The following NSMCE2 variants were observed in gnomAD, a reference collection of about 807,000 sequenced individuals.
NSMCE2 encodes the protein E3 SUMO-protein ligase NSE2.
A neutral mutation model predicts 23.8 loss-of-function variants in NSMCE2; 24 were observed. The ratio of observed to expected loss-of-function variants is 1.01; its 90% CI spans 0.73 to 1.42. NSMCE2 has a LOEUF of 1.42. NSMCE2 is among the 40% of genes most tolerant of loss of function. The pLI is 0.00. For missense variants in NSMCE2, 284 were observed against 296.5 expected (o/e 0.96, Z 0.31); for synonymous variants, 92 against 94.1 (o/e 0.98, Z 0.13).
At chr8:125,167,378 A>G (rs984480176) in intron 4 of NSMCE2, among the ~76,000 whole-genome samples, 1 of 152,134 alleles carries the variant, frequency 6.6e-6, no homozygotes, top group African/African-American at 2.4e-5. Context: ...AAGAATTGCA[A>G]AGTCAAGGCC....
intron 4 of NSMCE2, among the ~76,000 whole-genome samples, chr8:125,164,427 TG>T (rs1192127739): frequency 1.3e-5 from 2 of 152,202 alleles, no homozygotes; most frequent in Non-Finnish European, 2.9e-5. Flanking sequence ...AGAGTAAGAA[TG>T]TTTTTAGGGA....
intron 5 of NSMCE2, among the ~76,000 whole-genome samples, chr8:125,226,045 A>G (rs1447862841): frequency 1.3e-5 from 2 of 152,226 alleles, no homozygotes; most frequent in Non-Finnish European, 2.9e-5. Context: ...ACTTTTGATT[A>G]AATTCAACCT....
At chr8:125,104,720 C>A (rs993341380) in intron 3 of NSMCE2, among the ~76,000 whole-genome samples, 1 of 152,172 alleles carries the variant, frequency 6.6e-6, no homozygotes, top group Admixed American at 6.5e-5. Flanking sequence ...GAACTGAAGT[C>A]TCTGTCTCCT....
At chr8:125,238,387 A>G (rs1413546289) in intron 5 of NSMCE2, among the ~76,000 whole-genome samples, 1 of 152,232 alleles carries the variant, frequency 6.6e-6, no homozygotes, top group Non-Finnish European at 1.5e-5. Context: ...CAGCTTATCT[A>G]TGAATATAAC....
intron 4 of NSMCE2, among the ~76,000 whole-genome samples, chr8:125,165,098 C>T (rs548707335): frequency 6.6e-6 from 1 of 152,318 alleles, no homozygotes; most frequent in African/African-American, 2.4e-5. Context: ...CCTCCTTGTT[C>T]CTCCCTGGCC....
intron 1 of NSMCE2, among the ~76,000 whole-genome samples, chr8:125,097,000 T>G (rs1817970803): frequency 6.6e-6 from 1 of 152,148 alleles, no homozygotes; most frequent in African/African-American, 2.4e-5. Context: ...TGATCCTGGT[T>G]TTTCTGAATT....
chr8:125,276,372 C>A (rs1055154778), intron 5 of NSMCE2, among the ~76,000 whole-genome samples: 1 of 152,152 alleles, frequency 6.6e-6, no homozygotes, highest in African/African-American at 2.4e-5. Context: ...ATGCATTCTT[C>A]CCACCCTAAA....
intron 1 of NSMCE2, among the ~76,000 whole-genome samples, chr8:125,092,871 T>A (rs555555198): frequency 6.6e-6 from 1 of 152,314 alleles, no homozygotes. Context: ...CTATTGACAT[T>A]TTAGGCCAGA....
At chr8:125,154,231 T>G (rs1821191959) in intron 4 of NSMCE2, among the ~76,000 whole-genome samples, 1 of 152,208 alleles carries the variant, frequency 6.6e-6, no homozygotes, top group Non-Finnish European at 1.5e-5. Context: ...TTTTTAATCA[T>G]TAAAGAGCAT....
intron 3 of NSMCE2, among the ~76,000 whole-genome samples, chr8:125,109,083 G>T (rs1177837355): frequency 6.6e-6 from 1 of 152,134 alleles, no homozygotes. Flanking sequence ...TTTGACTAAG[G>T]TATTGTAACT....
At chr8:125,264,842 A>G (rs1414986502) in intron 5 of NSMCE2, among the ~76,000 whole-genome samples, 2 of 152,132 alleles carry the variant, frequency 1.3e-5, no homozygotes, top group Non-Finnish European at 2.9e-5. Context: ...AAATGGCCTT[A>G]TATCTTCTAG....
chr8:125,117,897 T>C (rs1446009184), intron 3 of NSMCE2, among the ~76,000 whole-genome samples: 3 of 152,208 alleles, frequency 2.0e-5, no homozygotes. Flanking sequence ...AATACAAATA[T>C]CTGGATCAAG....
chr8:125,175,604 A>AT (rs969260384), intron 4 of NSMCE2, among the ~76,000 whole-genome samples: 4 of 152,184 alleles, frequency 2.6e-5, no homozygotes, highest in African/African-American at 9.7e-5. Flanking sequence ...GGAATGACTA[A>AT]TTTTATACTA....
At chr8:125,244,431 T>C (rs75701990) in intron 5 of NSMCE2, among the ~76,000 whole-genome samples, 9,376 of 152,114 alleles carry the variant, frequency 0.062, 561 homozygotes, top group African/African-American at 0.15. Context: ...AAGAAACCAT[T>C]CTGGAAGCAT....
chr8:125,354,423 AC>A (rs1195081052), intron 5 of NSMCE2, among the ~76,000 whole-genome samples: 9 of 152,348 alleles, frequency 5.9e-5, no homozygotes, highest in Middle Eastern at 3.4e-3. Context: ...ATTTTCGATT[AC>A]CGGATCAACA....
At chr8:125,098,707 G>A (rs1586419011) in intron 1 of NSMCE2, among the ~76,000 whole-genome samples, 1 of 151,606 alleles carries the variant, frequency 6.6e-6, no homozygotes, top group Non-Finnish European at 1.5e-5. Flanking sequence ...GAAGGATCAA[G>A]TATGAACCAA....
chr8:125,234,038 A>G (rs1825440390), intron 5 of NSMCE2, among the ~76,000 whole-genome samples: 1 of 147,694 alleles, frequency 6.8e-6, no homozygotes, highest in South Asian at 2.2e-4. Context: ...AAAAAAATAC[A>G]AAAAATTAGT....
At chr8:125,206,638 G>A (rs902016504) in intron 5 of NSMCE2, among the ~76,000 whole-genome samples, 7 of 152,184 alleles carry the variant, frequency 4.6e-5, no homozygotes, top group African/African-American at 1.7e-4. Flanking sequence ...TGGGTAACTG[G>A]GAAAATGGTG....
chr8:125,145,884 G>A (rs969753622), intron 3 of NSMCE2, among the ~76,000 whole-genome samples: 3 of 152,174 alleles, frequency 2.0e-5, no homozygotes, highest in Non-Finnish European at 2.9e-5. Flanking sequence ...AGCAGCTGGA[G>A]TTGACTTAGT....
Sources: gnomAD v4.1 joint callset for allele counts (sites outside exome capture counted in the v4.1 genomes callset) on GRCh38, gnomAD v4.1.1 for gene constraint, MANE v1.5 for transcripts, NCBI Gene and HGNC (gene_info 2026-07-23, HGNC 2026-07-21) for gene names.